GALNT5: variants seen among roughly 807,000 people sequenced by gnomAD.
The protein encoded by GALNT5 is UDP-GalNAc:polypeptide N-acetylgalactosaminyltransferase 5.
Under a neutral mutation model 85.4 loss-of-function variants are expected in GALNT5, and 72 were observed. That is an observed-to-expected ratio of 0.84 (90% CI 0.70 to 1.03). The LOEUF (loss-of-function observed/expected upper bound fraction) is 1.03. Among genes scored for constraint, GALNT5 ranks in the 50% least tolerant of loss-of-function variants. GALNT5 has a pLI of 0.00. For missense variants in GALNT5, 1,137 were observed against 1,135.5 expected, an observed-to-expected ratio of 1.00 and a Z score of -0.02; for synonymous variants, 404 against 397.0, an observed-to-expected ratio of 1.02 and a Z score of -0.21.
At chr2:157,268,045 G>T (rs6754250) in intron 1 of GALNT5, among the ~76,000 whole-genome samples, 4,652 of 152,262 alleles carry the variant, frequency 0.031, 237 homozygotes, top group African/African-American at 0.11. Flanking sequence ...TGCTTGGGGA[G>T]TGAAGGCCCC....
chr2:157,313,276 A>G lies in GALNT5; in HGVS notation c.*1928A>G, dbSNP rs1683616673. ...AATAGCCTACAGTGTTCAATACAGT[A>G]ACATGCACAAGTTTGTAACCTAGGA... is the stretch of plus-strand genomic sequence containing the variant. On this transcript the variant is annotated 3_prime_UTR_variant, in exon 10 of 10. Coordinates refer to ENST00000259056, the MANE Select transcript of GALNT5 (RefSeq NM_014568.3). 1 of 152,222 alleles carries G rather than the reference A, an allele frequency of 6.6e-6. No homozygotes were observed. Among genetic ancestry groups the G allele is most frequent in the African/African-American group, 2.4e-5 (1 of 41,456 alleles). The allele number at this position is 152,222 out of a possible 1,614,324, so 9.4% of individuals were successfully genotyped here.
chr2:157,275,138 T>A (rs924101987), intron 1 of GALNT5, among the ~76,000 whole-genome samples: 13 of 152,206 alleles, frequency 8.5e-5, no homozygotes, highest in African/African-American at 3.1e-4. Flanking sequence ...CAGATGGTTG[T>A]AGATGTGTGG....
At chr2:157,307,794 T>C (rs1683485048) in intron 8 of GALNT5, among the ~76,000 whole-genome samples, 1 of 152,214 alleles carries the variant, frequency 6.6e-6, no homozygotes, top group African/African-American at 2.4e-5. Flanking sequence ...TTTATATTAG[T>C]ACAAAACGAT....
At chr2:157,263,459 C>A (rs1301923543) in intron 1 of GALNT5, among the ~76,000 whole-genome samples, 2 of 152,088 alleles carry the variant, frequency 1.3e-5, no homozygotes, top group Admixed American at 1.3e-4. Flanking sequence ...GTAGCTGTGA[C>A]CTCTAAATTG....
rs751889595 is a variant in GALNT5 at position 157,311,192 on chromosome 2, T to C, written c.2683-16T>C. On this transcript the variant is annotated splice_polypyrimidine_tract_variant and intron_variant, in intron 9 of 9. Transcript: ENST00000259056. The stretch of plus-strand genomic sequence containing the variant: ...ATTCAGCCTGTGGCTCATTCCCAGC[T>C]CTTCTTTCTCTCCAGGTGAATCACA... 2.5e-6 allele frequency: 4 copies of C among 1,600,736 alleles called. No individual in the cohort carries two copies. The highest frequency in any genetic ancestry group is 3.4e-6 in the Non-Finnish European group (4 of 1,171,866).
intron 1 of GALNT5, among the ~76,000 whole-genome samples, chr2:157,278,510 TTCTTTTTCC>T (rs946397395): frequency 3.9e-5 from 6 of 152,324 alleles, no homozygotes; most frequent in South Asian, 2.1e-4. Flanking sequence ...CTTTGTTCAT[TTCTTTTTCC>T]TCTTTTTCCT....
At chr2:157,285,973 CTTAAT>C in intron 2 of GALNT5, 37 bp from the exon 3 acceptor site, 1 of 1,510,038 alleles carries the variant, frequency 6.6e-7, no homozygotes, top group South Asian at 1.2e-5. Flanking sequence ...TCCGGACTTA[CTTAAT>C]TCAAGTATTT....
chr2:157,290,100 T>TAC (rs1683064894), intron 3 of GALNT5, among the ~76,000 whole-genome samples: 1 of 144,642 alleles, frequency 6.9e-6, no homozygotes, highest in African/African-American at 2.7e-5. Flanking sequence ...TATATATATA[T>TAC]ATATATATAT....
intron 8 of GALNT5, among the ~76,000 whole-genome samples, chr2:157,307,908 A>G (rs1284525497): frequency 1.3e-5 from 2 of 152,252 alleles, no homozygotes; most frequent in South Asian, 2.1e-4. Context: ...ACATGGTTTC[A>G]TTACCTGAAT....
chr2:157,296,588 A>G, intron 5 of GALNT5, 75 bp downstream of exon 5: 1 of 1,101,408 alleles, frequency 9.1e-7, no homozygotes, highest in Non-Finnish European at 1.4e-6. Context: ...TCTACAAAAC[A>G]GCTGTATCTT....
At chr2:157,291,800 T>G (rs986244062) in intron 3 of GALNT5, among the ~76,000 whole-genome samples, 1 of 152,100 alleles carries the variant, frequency 6.6e-6, no homozygotes, top group African/African-American at 2.4e-5. Context: ...TCTCCTACCC[T>G]TTCCAAATCT....
chr2:157,259,620 G>A, intron 1 of GALNT5, 84 bp downstream of exon 1: 1 of 999,460 alleles, frequency 1.0e-6, no homozygotes, highest in East Asian at 2.9e-5. Context: ...ATAATTCTGT[G>A]TGATTTTTGG....
intron 1 of GALNT5, among the ~76,000 whole-genome samples, chr2:157,278,326 C>G (rs975154014): frequency 1.3e-5 from 2 of 152,110 alleles, no homozygotes; most frequent in African/African-American, 4.8e-5. Context: ...CATGGAGTAT[C>G]TTTGTGGTGT....
At position 157,259,379 on chromosome 2, in the gene GALNT5, A is replaced by G. The variant is rs779435698; in HGVS notation, c.1297A>G (p.Arg433Gly). The G allele has an allele frequency of 1.3e-6, 2 of 1,506,218 alleles. No homozygotes were observed. The highest frequency in any genetic ancestry group is 2.3e-5 in the East Asian group (1 of 42,750). 93.3% of individuals were successfully genotyped at this position (1,506,218 alleles called of 1,614,324 possible). Residue 433 changes from arginine to glycine, a missense_variant, in exon 1 of 10, where the codon AGG becomes GGG. By Grantham distance (125) the Arg-to-Gly change is moderately radical. Coordinates refer to ENST00000259056, the MANE Select transcript of GALNT5 (RefSeq NM_014568.3). ...VLRIDVTLSP[R>G]DPKAPGQFGR... Reference sequence around the variant, plus strand: ...AAGAATTGATGTGACACTTTCTCCAAGGGACCCCAAAGCTCCAGGGCAGTT... The same window carrying G: ...AAGAATTGATGTGACACTTTCTCCAGGGGACCCCAAAGCTCCAGGGCAGTT...
Position 157,311,082 on chromosome 2 carries a change from T to C in GALNT5, c.2683-126T>C, listed in dbSNP as rs115242493. ...GTCTGTGTTTATGTTAATAATTTAGTTCAGAAGAATTCTTAAAAATCAAAA... is the reference window on the plus strand; with the variant it reads ...GTCTGTGTTTATGTTAATAATTTAGCTCAGAAGAATTCTTAAAAATCAAAA... On this transcript the variant is annotated intron_variant, in intron 9 of 9. Coordinates refer to ENST00000259056, the MANE Select transcript of GALNT5 (RefSeq NM_014568.3). The C allele has an allele frequency of 4.2e-3, 3,119 of 750,290 alleles. 79 individuals are homozygous for C. The African/African-American group carries it at 0.048, about 11-fold the overall frequency. 46.5% of individuals were successfully genotyped at this position (750,290 alleles called of 1,614,324 possible). A position where few individuals can be genotyped will look rare whatever the true frequency, so the allele number is the denominator to read the frequency against.
chr2:157,274,503 C>CTTT (rs1279430079), intron 1 of GALNT5, among the ~76,000 whole-genome samples: 1 of 152,190 alleles, frequency 6.6e-6, no homozygotes, highest in Non-Finnish European at 1.5e-5. Context: ...TGTTTCCTGA[C>CTTT]TTTTTAATGA....
At chr2:157,296,895 G>A (rs1239180241) in intron 5 of GALNT5, among the ~76,000 whole-genome samples, 1 of 152,176 alleles carries the variant, frequency 6.6e-6, no homozygotes, top group African/African-American at 2.4e-5. Context: ...TCTAATGATA[G>A]CAATGGTTAG....
intron 1 of GALNT5, among the ~76,000 whole-genome samples, chr2:157,264,174 TACACACACACAC>T (rs59575957): frequency 1.4e-5 from 2 of 144,608 alleles, no homozygotes; most frequent in African/African-American, 2.5e-5. Flanking sequence ...TCAACACACA[TACACACACACAC>T]ACACACACAC....
At chr2:157,293,067 C>T (rs865819605) in intron 3 of GALNT5, among the ~76,000 whole-genome samples, 24 of 152,346 alleles carry the variant, frequency 1.6e-4, no homozygotes, top group African/African-American at 5.3e-4. Flanking sequence ...ACGCTTCATA[C>T]ACCTACATGA....
Sources: allele counts gnomAD v4.1 joint callset (sites outside exome capture counted in the v4.1 genomes callset), GRCh38; gene constraint gnomAD v4.1.1; transcripts MANE v1.5; gene names NCBI Gene and HGNC (gene_info 2026-07-23, HGNC 2026-07-21).